Variants in ZNF385C observed in about 807,000 individuals in gnomAD.
ZNF385C encodes the protein zinc finger protein 385C.
Under a neutral mutation model 35.4 loss-of-function variants are expected in ZNF385C, and 28 were observed. The observed-to-expected ratio is 0.79, with a 90% CI of 0.59 to 1.08. ZNF385C has a LOEUF of 1.08. ZNF385C is among the 50% of genes least tolerant of loss of function. The pLI is 0.00. For synonymous variants in ZNF385C, 248 were observed against 248.2 expected (o/e 1.00, Z 0.01); for missense variants, 605 against 595.6 (o/e 1.02, Z -0.16).
chr17:42,071,366 A>T (rs1489304256), intron 1 of ZNF385C, among the ~76,000 whole-genome samples: 1 of 151,974 alleles, frequency 6.6e-6, no homozygotes, highest in Non-Finnish European at 1.5e-5. Context: ...TCCAGAGATG[A>T]AGTCACTGTC....
intron 2 of ZNF385C, chr17:42,040,467 C>A (rs1363663157): frequency 3.2e-6 from 4 of 1,232,130 alleles, no homozygotes; most frequent in Non-Finnish European, 4.0e-6. Flanking sequence ...CCAAGTCCGG[C>A]TCTTCTGCCT....
Position 42,050,503 on chromosome 17 carries a change from G to A in ZNF385C, c.250+12304C>T, listed in dbSNP as rs1437921607. 3 of 152,028 alleles carry A rather than the reference G, an allele frequency of 2.0e-5. No individual in the cohort carries two copies. Among genetic ancestry groups the A allele is most frequent in the Non-Finnish European group, 4.4e-5 (3 of 67,988 alleles). 9.4% of individuals were successfully genotyped at this position (152,028 alleles called of 1,614,324 possible). A position where few individuals can be genotyped will look rare whatever the true frequency, so the allele number is the denominator to read the frequency against. ...TCCGCCCGCCCGTCCCGCCCGCTCC[G>A]GGAGGGGGCGTCCAGCCCGGCCTGG... On this transcript the variant is annotated intron_variant, in intron 2 of 8. Transcript: ENST00000692273. The surrounding 1 kb of genome is among the most constrained non-coding windows in gnomAD (Gnocchi z 5.6).
intron 2 of ZNF385C, among the ~76,000 whole-genome samples, chr17:42,048,582 C>T (rs192801123): frequency 6.6e-6 from 1 of 152,194 alleles, no homozygotes; most frequent in East Asian, 1.9e-4. Flanking sequence ...GCCCCTCTCC[C>T]AATCATCCCT....
intron 1 of ZNF385C, among the ~76,000 whole-genome samples, chr17:42,064,704 A>G (rs2053522698): frequency 6.6e-6 from 1 of 151,940 alleles, no homozygotes; most frequent in Non-Finnish European, 1.5e-5. Context: ...AGCTGGGACT[A>G]CAGGTGTCCG....
intron 1 of ZNF385C, among the ~76,000 whole-genome samples, chr17:42,088,578 A>G (rs1411149879): frequency 1.3e-5 from 2 of 152,108 alleles, no homozygotes; most frequent in Non-Finnish European, 2.9e-5. Context: ...CCCCACCCCA[A>G]CCTCAGCAGG....
intron 1 of ZNF385C, among the ~76,000 whole-genome samples, chr17:42,089,481 C>G (rs2143949501): frequency 6.6e-6 from 1 of 152,226 alleles, no homozygotes; most frequent in South Asian, 2.1e-4. Context: ...CCCAGTCCAC[C>G]CCTTCCACCT....
rs1275543712 is a variant in ZNF385C at position 42,029,142 on chromosome 17, T to G, written c.677-69A>C. ...AGACCACGATCTTCAGCTCTGACCATGGAGGTGGCCTGGAGGGCCCCTGGT... is the reference window on the plus strand; with the variant it reads ...AGACCACGATCTTCAGCTCTGACCAGGGAGGTGGCCTGGAGGGCCCCTGGT... On this transcript the variant is annotated intron_variant, in intron 5 of 8. Transcript: ENST00000692273. The G allele has an allele frequency of 2.7e-6, 4 of 1,484,472 alleles. No homozygotes were observed. In the Admixed American group the frequency reaches 8.6e-5, roughly 32 times the overall value. 92.0% of individuals were successfully genotyped at this position (1,484,472 alleles called of 1,614,324 possible).
intron 1 of ZNF385C, among the ~76,000 whole-genome samples, chr17:42,097,314 C>T (rs1598209362): frequency 6.6e-6 from 1 of 152,172 alleles, no homozygotes. Context: ...CACATGGCCT[C>T]CCAGAAGCAA....
intron 1 of ZNF385C, among the ~76,000 whole-genome samples, chr17:42,084,817 A>G (rs2053788973): frequency 6.6e-6 from 1 of 151,924 alleles, no homozygotes; most frequent in Admixed American, 6.6e-5. Context: ...GGGTCTTGCT[A>G]TGTTTCCTAG....
chr17:42,029,612 G>T (rs1567983299), intron 5 of ZNF385C, among the ~76,000 whole-genome samples: 1 of 152,242 alleles, frequency 6.6e-6, no homozygotes. Context: ...TACTCGGGAG[G>T]CTGAGGCAGG....
rs377392953 is a variant in ZNF385C, at chr17:42,028,106, C to G, written c.1108G>C (p.Ala370Pro). ...GRGGRQGPSP[A>P]FHCALCQLQV... ...AGCTGACAGAGAGCACAGTGGAAGG[C>G]AGGGCTGGGCCCCTGCCGGCCGCCC... is the stretch of plus-strand genomic sequence containing the variant. Residue 370 changes from alanine to proline, a missense_variant, in exon 7 of 9, where the codon GCC becomes CCC. Coordinates refer to ENST00000692273, the MANE Select transcript of ZNF385C (RefSeq NM_001392013.1). The G allele has an allele frequency of 6.5e-4, 1,049 of 1,613,496 alleles. 1 individual carries two copies. The highest frequency in any genetic ancestry group is 8.4e-4 in the Non-Finnish European group (987 of 1,179,876).
chr17:42,031,630 G>A lies in ZNF385C; in HGVS notation c.665C>T (p.Pro222Leu). The change falls in exon 5 of 9, where the codon CCA (proline) becomes CTA (leucine). Residue 222 changes from proline (P) to leucine (L), a missense_variant. Coordinates refer to ENST00000692273, the MANE Select transcript of ZNF385C (RefSeq NM_001392013.1). ...AGCTCAGGACTGACCTTTACTCTGT[G>A]GCTCTCCAGGGGCTCCACTGGCCAG... ...PTLASGAPGE[P>L]QSKVPAAPPL... The A allele has an allele frequency of 1.3e-6, 2 of 1,550,570 alleles. No homozygotes were observed. The highest frequency in any genetic ancestry group is 1.7e-6 in the Non-Finnish European group (2 of 1,146,942).
chr17:42,038,326 C>T, intron 2 of ZNF385C: 2 of 436,062 alleles, frequency 4.6e-6, no homozygotes, highest in African/African-American at 2.0e-5. Context: ...TCTAACTATC[C>T]TCCCTCCCTC....
At chr17:42,028,361 G>T in intron 6 of ZNF385C, 115 bp from the exon 7 acceptor site, 1 of 1,055,736 alleles carries the variant, frequency 9.5e-7, no homozygotes, top group East Asian at 2.7e-5. Flanking sequence ...GCTGCTCTGT[G>T]CACACATCGC....
At chr17:42,092,287 G>T (rs1409929832) in intron 1 of ZNF385C, among the ~76,000 whole-genome samples, 2 of 152,116 alleles carry the variant, frequency 1.3e-5, no homozygotes, top group African/African-American at 4.8e-5. Flanking sequence ...TGTAATCCCA[G>T]CTACTCAGGA....
chr17:42,081,225 C>G (rs781859865), intron 1 of ZNF385C, among the ~76,000 whole-genome samples: 1 of 151,962 alleles, frequency 6.6e-6, no homozygotes, highest in Non-Finnish European at 1.5e-5. Flanking sequence ...TCAGGATGGA[C>G]GAGGGCTTGC....
chr17:42,082,405 C>A (rs2143931156), intron 1 of ZNF385C, among the ~76,000 whole-genome samples: 1 of 152,344 alleles, frequency 6.6e-6, no homozygotes, highest in East Asian at 1.9e-4. Flanking sequence ...TCCAGCCTCC[C>A]CTGCTCCCAC....
At chr17:42,068,114 G>T (rs1481680631) in intron 1 of ZNF385C, among the ~76,000 whole-genome samples, 3 of 152,130 alleles carry the variant, frequency 2.0e-5, no homozygotes, top group Admixed American at 6.5e-5. Context: ...TCCCTTAGGA[G>T]CCACACTGCC....
chr17:42,062,864 GC>G lies in ZNF385C; in HGVS notation c.192del (p.Arg65GlyfsTer88). ...TGCCGAAGCCGCCTCTGGTGGGCCC[GC>G]CCCCCACAGTGCACCTGGGCCTGGG... Reference protein sequence around the residue: ...SAAQAQVHCGGRAHQRRLRQL... With the variant: ...SAAQAQVHCGXRAHQRRLRQL... On this transcript the variant is annotated frameshift_variant, in exon 2 of 9. Coordinates refer to ENST00000692273, the MANE Select transcript of ZNF385C (RefSeq NM_001392013.1). LOFTEE classifies it high-confidence loss of function. 2 of 649,214 alleles carry G rather than the reference GC, an allele frequency of 3.1e-6. No individual in the cohort carries two copies. Among genetic ancestry groups the G allele is most frequent in the Non-Finnish European group, 5.6e-6 (2 of 359,014 alleles). The allele number at this position is 649,214 out of a possible 1,614,324, so 40.2% of individuals were successfully genotyped here. A position where few individuals can be genotyped will look rare whatever the true frequency, so the allele number is the denominator to read the frequency against.
Sources: gnomAD v4.1 joint callset for allele counts (sites outside exome capture counted in the v4.1 genomes callset) on GRCh38, gnomAD v4.1.1 for gene constraint, Gnocchi (gnomAD v3.1) non-coding constraint, MANE v1.5 for transcripts, NCBI Gene and HGNC (gene_info 2026-07-23, HGNC 2026-07-21) for gene names.